Variants in PCDHA6 observed in about 807,000 individuals in gnomAD.
PCDHA6 encodes the protein protocadherin alpha 6, also known as protocadherin alpha-6.
A neutral mutation model predicts 60.3 loss-of-function variants in PCDHA6; 55 were observed. The observed-to-expected ratio is 0.91, with a 90% CI of 0.73 to 1.14. PCDHA6 has a LOEUF of 1.14. Ranked by LOEUF, PCDHA6 falls within the 50% of genes most tolerant of loss-of-function variation. The pLI is 0.00. For synonymous variants in PCDHA6, 652 were observed against 557.9 expected (o/e 1.17, Z -2.38); for missense variants, 1,327 against 1,256.5 (o/e 1.06, Z -0.85).
At chr5:140,839,989 T>C (rs1776506431) in intron 1 of PCDHA6, among the ~76,000 whole-genome samples, 1 of 152,120 alleles carries the variant, frequency 6.6e-6, no homozygotes, top group Non-Finnish European at 1.5e-5. Context: ...GGAAAGTGGT[T>C]AGCCTTAGCA....
intron 1 of PCDHA6, among the ~76,000 whole-genome samples, chr5:140,907,506 A>G (rs1418997042): frequency 2.6e-5 from 4 of 152,234 alleles, no homozygotes; most frequent in Non-Finnish European, 5.9e-5. Flanking sequence ...GTAAGTGTCT[A>G]TTCCAGTGAG....
intron 1 of PCDHA6, chr5:140,968,020 C>T: frequency 1.2e-6 from 2 of 1,614,202 alleles, no homozygotes; most frequent in Non-Finnish European, 1.7e-6. Flanking sequence ...TTGGAAACTC[C>T]TATACACTGG....
At chr5:140,878,461 T>G (rs1274651575) in intron 1 of PCDHA6, among the ~76,000 whole-genome samples, 1 of 152,230 alleles carries the variant, frequency 6.6e-6, no homozygotes, top group Non-Finnish European at 1.5e-5. Context: ...TGAAATATAA[T>G]AAAATCATTT....
intron 1 of PCDHA6, chr5:140,883,984 C>T: frequency 2.5e-6 from 4 of 1,612,818 alleles, no homozygotes. Context: ...GGGCTGGCAG[C>T]GCGGGAGGCA....
chr5:140,850,292 C>G lies in PCDHA6; in HGVS notation c.2394+19807C>G, dbSNP rs2150478092. The stretch of plus-strand genomic sequence containing the variant: ...TGGGGAAGGTGCGCGCAGTGGACGC[C>G]GACTCGGGCTACAACGCGTGGCTTT... On this transcript the variant is annotated intron_variant, in intron 1 of 3. Transcript: ENST00000529310. 30 of 1,595,922 alleles carry G rather than the reference C, an allele frequency of 1.9e-5. 3 individuals are homozygous for G. The highest frequency in any genetic ancestry group is 6.7e-5 in the East Asian group (3 of 44,830).
At position 141,009,798 on chromosome 5, in the gene PCDHA6, A is replaced by T; in HGVS notation, c.2714A>T (p.Asn905Ile). 1 of 1,614,116 alleles carries T rather than the reference A, an allele frequency of 6.2e-7. No individual in the cohort carries two copies. The highest frequency in any genetic ancestry group is 2.2e-5 in the East Asian group (1 of 44,868). Residue 905 changes from asparagine (N) to isoleucine (I), a missense_variant, in exon 4 of 4, where the codon AAC (asparagine) becomes ATC (isoleucine). Asn to Ile is a moderately radical substitution (Grantham distance 149). Coordinates refer to ENST00000529310, the MANE Select transcript of PCDHA6 (RefSeq NM_018909.4). The stretch of plus-strand genomic sequence containing the variant: ...ATCTCCATCCGGCAGGAGCCTACTA[A>T]CAGCCAAATTGACAAAAGTGACTTC... Reference protein sequence around the residue: ...AIISIRQEPTNSQIDKSDFIT... With the variant: ...AIISIRQEPTISQIDKSDFIT...
chr5:140,877,215 A>T, intron 1 of PCDHA6: 1 of 1,613,722 alleles, frequency 6.2e-7, no homozygotes, highest in Non-Finnish European at 8.5e-7. Context: ...GCGAGTTGGT[A>T]CCGCGGTCGG....
intron 1 of PCDHA6, among the ~76,000 whole-genome samples, chr5:140,840,787 C>T (rs1335251358): frequency 6.6e-6 from 1 of 151,984 alleles, no homozygotes; most frequent in South Asian, 2.1e-4. Context: ...GAATTATATG[C>T]TCACCTCAGA....
At chr5:140,877,296 C>A (rs781799440) in intron 1 of PCDHA6, 2 of 1,613,942 alleles carry the variant, frequency 1.2e-6, no homozygotes, top group Non-Finnish European at 1.7e-6. Context: ...CTTGGCTGTC[C>A]TACGAGTTGC....
Position 140,830,445 on chromosome 5 carries a change from A to G in PCDHA6, c.2354A>G (p.Lys785Arg). 2.5e-6 allele frequency: 4 copies of G among 1,603,790 alleles called. No homozygotes were observed. The highest frequency in any genetic ancestry group is 3.4e-6 in the Non-Finnish European group (4 of 1,173,740). ...TCACCTTGTCCTATTATGATGGGTA[A>G]GGCGGAGAATCAGGATTTAAATGAA... Reference protein sequence around the residue: ...SLSPCPIMMGKAENQDLNEDH... With the variant: ...SLSPCPIMMGRAENQDLNEDH... Residue 785 changes from lysine (K) to arginine (R), a missense_variant, in exon 1 of 4, where the codon AAG becomes AGG. Physicochemically the swap from Lys to Arg is conservative, Grantham distance 26. Coordinates refer to ENST00000529310, the MANE Select transcript of PCDHA6 (RefSeq NM_018909.4).
chr5:141,008,654 C>T (rs1554261865), intron 3 of PCDHA6, among the ~76,000 whole-genome samples: 1 of 152,124 alleles, frequency 6.6e-6, no homozygotes, highest in Non-Finnish European at 1.5e-5. Context: ...TTCTGGAGTC[C>T]CACAATACTT....
chr5:140,970,814 C>T (rs1175939096), intron 1 of PCDHA6, among the ~76,000 whole-genome samples: 1 of 152,068 alleles, frequency 6.6e-6, no homozygotes, highest in Non-Finnish European at 1.5e-5. Flanking sequence ...ATTTCAAGTT[C>T]ATGGTAATCT....
At chr5:140,967,579 C>G in intron 1 of PCDHA6, 7 of 1,614,154 alleles carry the variant, frequency 4.3e-6, no homozygotes, top group South Asian at 1.1e-5. Context: ...AGGACTCACC[C>G]CCAGGCACAT....
intron 3 of PCDHA6, among the ~76,000 whole-genome samples, chr5:141,001,011 A>G (rs912284389): frequency 3.9e-5 from 6 of 152,206 alleles, no homozygotes; most frequent in African/African-American, 1.4e-4. Context: ...ATGTATTTAG[A>G]TATACACTTA....
At chr5:140,835,434 A>G (rs2150235683) in intron 1 of PCDHA6, 2 of 1,613,730 alleles carry the variant, frequency 1.2e-6, no homozygotes, top group Non-Finnish European at 1.7e-6. Flanking sequence ...TCCACAGTTG[A>G]CTCTCACTTC....
chr5:140,850,638 C>T (rs2150491842), intron 1 of PCDHA6: 3 of 1,598,668 alleles, frequency 1.9e-6, no homozygotes, highest in Non-Finnish European at 2.6e-6. Context: ...GGTTCTCACG[C>T]TGCTGCTGTA....
chr5:140,941,185 CTTT>C (rs782102770), intron 1 of PCDHA6, among the ~76,000 whole-genome samples: 1 of 102,176 alleles, frequency 9.8e-6, no homozygotes, highest in Admixed American at 9.9e-5. Flanking sequence ...CATCCTGCTT[CTTT>C]TTTTTTCTTT....
chr5:140,966,727 C>T (rs1330950109), intron 1 of PCDHA6: 4 of 1,405,404 alleles, frequency 2.8e-6, no homozygotes, highest in East Asian at 2.8e-5. Context: ...AAGCTGCCGC[C>T]TCCGGCCCTG....
intron 1 of PCDHA6, chr5:140,841,823 T>C (rs1554138571): frequency 1.9e-6 from 3 of 1,613,930 alleles, no homozygotes; most frequent in Non-Finnish European, 2.5e-6. Context: ...TAACTCCGTG[T>C]TAACCTACAG....
Sources: allele counts gnomAD v4.1 joint callset (sites outside exome capture counted in the v4.1 genomes callset), GRCh38; gene constraint gnomAD v4.1.1; transcripts MANE v1.5; gene names NCBI Gene and HGNC (gene_info 2026-07-23, HGNC 2026-07-21).